ANPEP: variants seen among roughly 807,000 people sequenced by gnomAD.
The protein encoded by ANPEP is aminopeptidase N.
Under a neutral mutation model 114.6 loss-of-function variants are expected in ANPEP, and 70 were observed. The ratio of observed to expected loss-of-function variants is 0.61; its 90% CI spans 0.50 to 0.75. The LOEUF (loss-of-function observed/expected upper bound fraction) is 0.75, where lower values mean the gene tolerates loss of function less well. Among genes scored for constraint, ANPEP ranks in the 30% least tolerant of loss-of-function variants. The pLI is 0.00. For missense variants in ANPEP, 1,184 were observed against 1,259.5 expected (o/e 0.94, Z 0.91); for synonymous variants, 548 against 522.3 (o/e 1.05, Z -0.67).
intron 2 of ANPEP, among the ~76,000 whole-genome samples, chr15:89,805,723 C>T (rs1431205514): frequency 6.6e-6 from 1 of 152,168 alleles, no homozygotes; most frequent in Non-Finnish European, 1.5e-5. Context: ...CTCTGAGCCT[C>T]GGTTTTCCTG....
At position 89,797,561 on chromosome 15, in the gene ANPEP, A is replaced by G. The variant is rs2141799256; in HGVS notation, c.2157+14T>C. 1.9e-6 allele frequency: 3 copies of G among 1,606,912 alleles called. No individual in the cohort carries two copies. The highest frequency in any genetic ancestry group is 2.6e-6 in the Non-Finnish European group (3 of 1,175,898). On this transcript the variant is annotated intron_variant, in intron 15 of 20. Coordinates refer to ENST00000300060, the MANE Select transcript of ANPEP (RefSeq NM_001150.3). ...GGCGAACTGGTTCTTGAACCCTACCATGCACCTCCGTACCTTCATGGGGCC... is the reference window on the plus strand; with the variant it reads ...GGCGAACTGGTTCTTGAACCCTACCGTGCACCTCCGTACCTTCATGGGGCC...
Position 89,806,063 on chromosome 15 carries a change from C to T in ANPEP, c.521G>A (p.Ser174Asn), listed in dbSNP as rs1202386716. 1.1e-5 allele frequency: 18 copies of T among 1,613,896 alleles called. No homozygotes were observed. The highest frequency in any genetic ancestry group is 1.5e-5 in the Non-Finnish European group (18 of 1,179,906). ...GAACTCGCTGTCCATCTCATACTGG[C>T]TGTCCTTCACCAGGGAGCCCTTGAG... is the stretch of plus-strand genomic sequence containing the variant. ...VHLKGSLVKD[S>N]QYEMDSEFEG... The change falls in exon 2 of 21, where the codon AGC becomes AAC. Residue 174 changes from serine (S) to asparagine (N), a missense_variant. Physicochemically the swap from Ser to Asn is conservative, Grantham distance 46. Transcript: ENST00000300060. The surrounding 1 kb of genome is among the most constrained non-coding windows in gnomAD (Gnocchi z 5.7).
In ANPEP at chr15:89,803,854, G is replaced by GC. The variant is rs769166534; in HGVS notation, c.1293+34dup. ...AGCGGTGGCCCAGGTCTCCCTCCAT[G>GC]CCCCCCGCACCAGACCCCTGGGCAG... On this transcript the variant is annotated intron_variant, in intron 7 of 20. Coordinates refer to ENST00000300060, the MANE Select transcript of ANPEP (RefSeq NM_001150.3). This position sits in a 1 kb window ranked among gnomAD's most constrained non-coding sequence, Gnocchi z 4.2. The GC allele has an allele frequency of 1.9e-6, 3 of 1,613,664 alleles. No homozygotes were observed. The highest frequency in any genetic ancestry group is 2.7e-5 in the African/African-American group (2 of 75,008).
intron 4 of ANPEP, chr15:89,804,834 A>G (rs554562077): frequency 1.2e-6 from 1 of 812,986 alleles, no homozygotes; most frequent in East Asian, 2.7e-5. Context: ...AACAATCATC[A>G]TAGCCACCGT....
rs1368137802 is a variant in ANPEP, at chr15:89,806,409, G to A, written c.175C>T (p.Pro59Ser). Residue 59 changes from proline (P) to serine (S), a missense_variant, in exon 2 of 21, where the codon CCC (proline) becomes TCC (serine). By Grantham distance (74) the Pro-to-Ser change is moderately conservative (BLOSUM62 -1). Coordinates refer to ENST00000300060, the MANE Select transcript of ANPEP (RefSeq NM_001150.3). The surrounding 1 kb of genome is among the most constrained non-coding windows in gnomAD (Gnocchi z 5.7). ...TTPSASATTN[P>S]ASATTLDQSK... ...TGGTCCAAGGTGGTGGCCGAGGCGGGGTTGGTGGTGGCTGAGGCGGACGGG... is the reference window on the plus strand; with the variant it reads ...TGGTCCAAGGTGGTGGCCGAGGCGGAGTTGGTGGTGGCTGAGGCGGACGGG... The A allele has an allele frequency of 1.2e-6, 2 of 1,614,070 alleles. No individual in the cohort carries two copies. Among genetic ancestry groups the A allele is most frequent in the Non-Finnish European group, 8.5e-7 (1 of 1,179,984 alleles).
intron 15 of ANPEP, among the ~76,000 whole-genome samples, chr15:89,794,313 G>A (rs117963162): frequency 0.14 from 20,938 of 151,804 alleles, 1,636 homozygotes; most frequent in Non-Finnish European, 0.18. Flanking sequence ...GTGAAACCCC[G>A]AAGCTACTAA....
rs7166568 is a variant in ANPEP at position 89,790,902 on chromosome 15, G to A, written c.2669+51C>T. The A allele has an allele frequency of 2.4e-3, 3,820 of 1,598,806 alleles. 91 individuals carry two copies. In the African/African-American group the frequency reaches 0.042, roughly 18 times the overall value. ...TCTTACCCGCACAGGCCACCCCCCGGGGCCCCAGCCTCGGCGCTCGCTGTC... is the reference window on the plus strand; with the variant it reads ...TCTTACCCGCACAGGCCACCCCCCGAGGCCCCAGCCTCGGCGCTCGCTGTC... On this transcript the variant is annotated intron_variant, in intron 19 of 20. Transcript: ENST00000300060.
chr15:89,808,790 T>C (rs1052147804), intron 1 of ANPEP, among the ~76,000 whole-genome samples: 4 of 152,216 alleles, frequency 2.6e-5, no homozygotes, highest in African/African-American at 9.6e-5. Flanking sequence ...CCCCTGAGCT[T>C]GCAGGAAGGC....
chr15:89,797,549 T>C (rs769143783), intron 15 of ANPEP, 26 bp downstream of exon 15: 43 of 1,599,364 alleles, frequency 2.7e-5, no homozygotes, highest in Non-Finnish European at 3.7e-5. Context: ...GAACTGGTTC[T>C]TGAACCCTAC....
At position 89,814,000 on chromosome 15, in the gene ANPEP, GGGGT is replaced by G. The variant is rs1009649680; in HGVS notation, c.-224+768_-224+771del. Reference sequence around the variant, plus strand: ...CTGCCCACCGCACTGCTGGGGGGGGGGGGTGCGTTCTGGAGTCATTTGGGGAAAG... The same window carrying G: ...CTGCCCACCGCACTGCTGGGGGGGGGGCGTTCTGGAGTCATTTGGGGAAAG... On this transcript the variant is annotated intron_variant, in intron 1 of 20. Transcript: ENST00000300060. 4.0e-5 allele frequency among the ~76,000 whole-genome samples: 6 copies of G among 151,414 alleles called. 1 individual carries two copies. The highest frequency in any genetic ancestry group is 1.5e-4 in the African/African-American group (6 of 40,898).
At chr15:89,796,034 G>C (rs1261171490) in intron 15 of ANPEP, among the ~76,000 whole-genome samples, 1 of 152,198 alleles carries the variant, frequency 6.6e-6, no homozygotes, top group Non-Finnish European at 1.5e-5. Context: ...GGCCAATACA[G>C]AAAGATCCCA....
rs886478395 is a variant in ANPEP, at chr15:89,804,598, G to A, written c.917C>T (p.Pro306Leu). The A allele has an allele frequency of 1.9e-6, 3 of 1,613,898 alleles. No individual in the cohort carries two copies. In the African/African-American group the frequency reaches 4.0e-5, roughly 22 times the overall value. Residue 306 changes from proline to leucine, a missense_variant, in exon 5 of 21, where the codon CCC becomes CTC. Transcript: ENST00000300060. The stretch of plus-strand genomic sequence containing the variant: ...GCCGTGGCCCGCCGCAATGGCACTG[G>A]GCCGGGCCCAGATCCGGATCTGCAA... ...NGVLIRIWAR[P>L]SAIAAGHGDY...
At chr15:89,792,411 C>T in intron 17 of ANPEP, 41 bp downstream of exon 17, 3 of 1,612,720 alleles carry the variant, frequency 1.9e-6, no homozygotes, top group Non-Finnish European at 2.5e-6. Context: ...CTGTTGGGGG[C>T]AGATGAAGAC....
In ANPEP at chr15:89,806,829, G is replaced by C. The variant is rs1282254396; in HGVS notation, c.-223-23C>G. The C allele has an allele frequency of 1.8e-6, 1 of 547,380 alleles. No homozygotes were observed. The highest frequency in any genetic ancestry group is 3.1e-6 in the Non-Finnish European group (1 of 321,042). 33.9% of individuals were successfully genotyped at this position (547,380 alleles called of 1,614,324 possible). A position where few individuals can be genotyped will look rare whatever the true frequency, so the allele number is the denominator to read the frequency against. ...TGCCTGCTGGAAGCAAACAGTGTCT[G>C]GTTACAGGCTGCAGGCGGCCTGGGA... is the stretch of plus-strand genomic sequence containing the variant. On this transcript the variant is annotated intron_variant, in intron 1 of 20. Transcript: ENST00000300060. This position sits in a 1 kb window ranked among gnomAD's most constrained non-coding sequence, Gnocchi z 5.7.
rs759883988 is a variant in ANPEP, at chr15:89,799,302, A to G, written c.1967T>C (p.Ile656Thr). The change falls in exon 14 of 21, where the codon ATC becomes ACC. Residue 656 changes from isoleucine to threonine, a missense_variant. By Grantham distance (89) the Ile-to-Thr change is moderately conservative. Coordinates refer to ENST00000300060, the MANE Select transcript of ANPEP (RefSeq NM_001150.3). The surrounding 1 kb of genome is among the most constrained non-coding windows in gnomAD (Gnocchi z 4.2). ...GTCATTAATGATCTGTGCCCGATTG[A>G]TGACAGGGATGGCCTAGAATGCGAA... Reference protein sequence around the residue: ...LQRDHSAIPVINRAQIINDAF... With the variant: ...LQRDHSAIPVTNRAQIINDAF... 6.2e-7 allele frequency: 1 copy of G among 1,614,186 alleles called. No homozygotes were observed. The highest frequency in any genetic ancestry group is 1.7e-5 in the Admixed American group (1 of 60,026).
Position 89,792,514 on chromosome 15 carries a change from T to C in ANPEP, c.2298A>G (p.Pro766=), listed in dbSNP as rs1968650953. The C allele has an allele frequency of 6.2e-7, 1 of 1,614,134 alleles. No individual in the cohort carries two copies. Among genetic ancestry groups the C allele is most frequent in the Non-Finnish European group, 8.5e-7 (1 of 1,180,008 alleles). The change falls in exon 17 of 21, where the codon CCA becomes CCG. Residue 766 remains proline (P), a synonymous_variant. Coordinates refer to ENST00000300060, the MANE Select transcript of ANPEP (RefSeq NM_001150.3). ...GGCCAGAGACCATCTCCTCACACTC[T>C]GGAACTCCGTTGGAGCAGGCGGTGC... The part of the protein sequence containing the change: ...AISTACSNGV[P]ECEEMVSGLF...
At chr15:89,805,649 GT>G (rs2141811022) in intron 2 of ANPEP, among the ~76,000 whole-genome samples, 186 bp from the exon 3 acceptor site, 1 of 152,342 alleles carries the variant, frequency 6.6e-6, no homozygotes, top group Admixed American at 6.5e-5. Flanking sequence ...ACTCGTGGGG[GT>G]TGGGGCTCCT....
chr15:89,801,364 T>G, intron 11 of ANPEP, 71 bp downstream of exon 11: 1 of 1,584,372 alleles, frequency 6.3e-7, no homozygotes, highest in Non-Finnish European at 8.6e-7. Context: ...AGGCCAGTCC[T>G]ACTATGGTCC....
chr15:89,803,528 C>A lies in ANPEP; in HGVS notation c.1438-21G>T, dbSNP rs368829970. On this transcript the variant is annotated intron_variant, in intron 8 of 20. Coordinates refer to ENST00000300060, the MANE Select transcript of ANPEP (RefSeq NM_001150.3). This position sits in a 1 kb window ranked among gnomAD's most constrained non-coding sequence, Gnocchi z 4.2. ...GCGCCCTGGGGTGGGGGTGAGGGGG[C>A]GCTCAGAAGGCTGTGCAGAGCCACC... 1.2e-6 allele frequency: 2 copies of A among 1,605,678 alleles called. No individual in the cohort carries two copies. Among genetic ancestry groups the A allele is most frequent in the Non-Finnish European group, 1.7e-6 (2 of 1,178,570 alleles).
Sources: allele counts gnomAD v4.1 joint callset (sites outside exome capture counted in the v4.1 genomes callset), GRCh38; gene constraint gnomAD v4.1.1; non-coding constraint Gnocchi (gnomAD v3.1); transcripts MANE v1.5; gene names NCBI Gene and HGNC (gene_info 2026-07-23, HGNC 2026-07-21).